The following FASTKD2 variants were observed in gnomAD, a reference collection of about 807,000 sequenced individuals.
FASTKD2 encodes FAST kinase domains 2.
A neutral mutation model predicts 63.6 loss-of-function variants in FASTKD2; 51 were observed. That is an observed-to-expected ratio of 0.80 (90% CI 0.64 to 1.01). The LOEUF is 1.01. FASTKD2 is among the 50% of genes least tolerant of loss of function. FASTKD2 has a pLI of 0.00. For synonymous variants in FASTKD2, 284 were observed against 293.4 expected (o/e 0.97, Z 0.33); for missense variants, 786 against 831.1 (o/e 0.95, Z 0.67).
chr2:206,772,051 C>T (rs937431494), intron 5 of FASTKD2, 34 bp downstream of exon 5: 6 of 1,610,092 alleles, frequency 3.7e-6, no homozygotes, highest in Non-Finnish European at 4.2e-6. Context: ...ATTTGCAATA[C>T]CTGAGCTTCT....
intron 2 of FASTKD2, among the ~76,000 whole-genome samples, chr2:206,768,250 AT>A (rs1270340446): frequency 1.3e-5 from 2 of 152,202 alleles, no homozygotes; most frequent in Non-Finnish European, 2.9e-5. Context: ...GAAGGTTAAA[AT>A]TGGATGGAGG....
intron 2 of FASTKD2, among the ~76,000 whole-genome samples, chr2:206,768,501 G>C (rs904336174): frequency 6.6e-6 from 1 of 152,114 alleles, no homozygotes; most frequent in Non-Finnish European, 1.5e-5. Flanking sequence ...AGGAGTTTGC[G>C]ACCAGCCTGG....
At position 206,791,910 on chromosome 2, in the gene FASTKD2, TACCTC is replaced by T; in HGVS notation, c.*110_*114del. 4.1e-6 allele frequency: 4 copies of T among 977,676 alleles called. No homozygotes were observed. Among genetic ancestry groups the T allele is most frequent in the Non-Finnish European group, 6.2e-6 (4 of 641,214 alleles). The allele number at this position is 977,676 out of a possible 1,614,324, so 60.6% of individuals were successfully genotyped here. A position where few individuals can be genotyped will look rare whatever the true frequency, so the allele number is the denominator to read the frequency against. The stretch of plus-strand genomic sequence containing the variant: ...AGCTATCTGCTAAGACAAAAAATGT[TACCTC>T]AGTTCACTATTAAAATTAATTTTAG... On this transcript the variant is annotated 3_prime_UTR_variant, in exon 12 of 12. Coordinates refer to ENST00000402774, the MANE Select transcript of FASTKD2 (RefSeq NM_001136193.2).
chr2:206,766,783 A>G lies in FASTKD2; in HGVS notation c.90A>G (p.Gln30=), dbSNP rs749411560. The change falls in exon 2 of 12, where the codon CAA becomes CAG. Residue 30 remains glutamine (Q), a synonymous_variant. Transcript: ENST00000402774. ...GCTCCTTTTTCTGGAACCTTAGACA[A>G]TTCAGTACATTAGTTTCAACAAGCA... ...KAGSFFWNLR[Q]FSTLVSTSRT... 5.6e-6 allele frequency: 9 copies of G among 1,613,600 alleles called. No homozygotes were observed. Among genetic ancestry groups the G allele is most frequent in the Non-Finnish European group, 7.6e-6 (9 of 1,179,816 alleles).
intron 7 of FASTKD2, among the ~76,000 whole-genome samples, chr2:206,784,724 T>C (rs1156513335): frequency 1.3e-5 from 2 of 152,238 alleles, no homozygotes; most frequent in Non-Finnish European, 2.9e-5. Context: ...GGAAGTCAGC[T>C]ATTTTTCTTG....
intron 7 of FASTKD2, among the ~76,000 whole-genome samples, chr2:206,774,817 T>A (rs2105976311): frequency 6.6e-6 from 1 of 152,196 alleles, no homozygotes; most frequent in African/African-American, 2.4e-5. Context: ...TTATTAATGA[T>A]ATAGTTAACA....
chr2:206,773,959 A>G (rs775072893), intron 6 of FASTKD2, among the ~76,000 whole-genome samples: 95 of 152,280 alleles, frequency 6.2e-4, no homozygotes, highest in Non-Finnish European at 1.1e-3. Flanking sequence ...TTATTTTTAA[A>G]TCAGATGGAA....
In FASTKD2 at chr2:206,774,164, A is replaced by T. The variant is rs113725023; in HGVS notation, c.1255-61A>T. 3.7e-3 allele frequency: 4,488 copies of T among 1,224,392 alleles called. 105 individuals carry two copies. The African/African-American group carries it at 0.055, about 15-fold the overall frequency. The allele number at this position is 1,224,392 out of a possible 1,614,324, so 75.8% of individuals were successfully genotyped here. On this transcript the variant is annotated intron_variant, in intron 6 of 11. Transcript: ENST00000402774. ...GCTGCTTAGATTTTTTGAGATCTAA[A>T]AAATTACTATTAGCATACTGTAATT...
intron 5 of FASTKD2, 27 bp from the exon 6 acceptor site, chr2:206,772,154 G>A (rs770686562): frequency 6.2e-7 from 1 of 1,606,218 alleles, no homozygotes. Flanking sequence ...GGTAATTTTT[G>A]TTTGTTTATT....
chr2:206,770,186 G>T lies in FASTKD2; in HGVS notation c.873G>T (p.Thr291=), dbSNP rs1439868134. ...GCAAGAATGTTCATGTTCTACGAAC[G>T]GGATTCAGGTGAGAACTCTCTTATG... ...EPCKNVHVLR[T]GFRILVDQQV... Residue 291 remains threonine (T), a synonymous_variant, in exon 3 of 12, where the codon ACG becomes ACT. Coordinates refer to ENST00000402774, the MANE Select transcript of FASTKD2 (RefSeq NM_001136193.2). 1 of 1,592,088 alleles carries T rather than the reference G, an allele frequency of 6.3e-7. No homozygotes were observed. Among genetic ancestry groups the T allele is most frequent in the African/African-American group, 1.3e-5 (1 of 74,460 alleles).
chr2:206,769,021 C>T (rs781063779), intron 2 of FASTKD2, among the ~76,000 whole-genome samples: 1 of 152,084 alleles, frequency 6.6e-6, no homozygotes, highest in African/African-American at 2.4e-5. Flanking sequence ...ATATTTGCAT[C>T]GGGATGACAT....
chr2:206,781,411 G>A (rs1396603676), intron 7 of FASTKD2, among the ~76,000 whole-genome samples: 1 of 148,644 alleles, frequency 6.7e-6, no homozygotes, highest in African/African-American at 2.5e-5. Context: ...TGCCTCCCAG[G>A]TTCAAGCGAT....
rs778550561 is a variant in FASTKD2, at chr2:206,767,481, AAGG to A, written c.777+14_777+16del. The A allele has an allele frequency of 6.9e-6, 11 of 1,600,174 alleles. No individual in the cohort carries two copies. In the East Asian group the frequency reaches 1.8e-4, roughly 26 times the overall value. On this transcript the variant is annotated intron_variant, in intron 2 of 11. Coordinates refer to ENST00000402774, the MANE Select transcript of FASTKD2 (RefSeq NM_001136193.2). ...CTGAGGGTGACCCAGGTAAAATAAA[AAGG>A]AGATTTAAACATGCATTTACTTGAT...
intron 7 of FASTKD2, among the ~76,000 whole-genome samples, chr2:206,776,407 C>CT (rs1312961226): frequency 2.6e-5 from 4 of 151,680 alleles, no homozygotes; most frequent in African/African-American, 9.7e-5. Context: ...CTTTTGTTGC[C>CT]TGCACTTTTG....
rs1690435220 is a variant in FASTKD2 at position 206,795,812 on chromosome 2, A to T, written c.*4010A>T. ...CCCCAGGGTGTGGTGTGGCAGGACG[A>T]GGAGCATCCATTTTGCTGGTGGGGA... On this transcript the variant is annotated 3_prime_UTR_variant, in exon 12 of 12. Coordinates refer to ENST00000402774, the MANE Select transcript of FASTKD2 (RefSeq NM_001136193.2). 6.6e-6 allele frequency among the ~76,000 whole-genome samples: 1 copy of T among 152,222 alleles called. No individual in the cohort carries two copies. The highest frequency in any genetic ancestry group is 2.1e-4 in the South Asian group (1 of 4,828).
intron 4 of FASTKD2, 57 bp downstream of exon 4, chr2:206,771,347 T>A (rs1689676630): frequency 2.0e-6 from 2 of 1,009,540 alleles, no homozygotes; most frequent in Non-Finnish European, 3.1e-6. Flanking sequence ...TCTTATAACC[T>A]GCTATCACTG....
rs548920982 is a variant in FASTKD2, at chr2:206,767,328, C to T, written c.635C>T (p.Ala212Val). The T allele has an allele frequency of 7.4e-6, 12 of 1,614,168 alleles. No homozygotes were observed. The South Asian group carries it at 1.3e-4, about 18-fold the overall frequency. ...AAACGACTGATGTTTAGCCACCCTGCATTTAATCAGCTCTGTGAACATATG... is the reference window on the plus strand; with the variant it reads ...AAACGACTGATGTTTAGCCACCCTGTATTTAATCAGCTCTGTGAACATATG... ...FEKRLMFSHP[A>V]FNQLCEHMMR... Residue 212 changes from alanine (A) to valine (V), a missense_variant, in exon 2 of 12, where the codon GCA (alanine) becomes GTA (valine). Physicochemically the swap from Ala to Val is moderately conservative, Grantham distance 64. Coordinates refer to ENST00000402774, the MANE Select transcript of FASTKD2 (RefSeq NM_001136193.2).
intron 7 of FASTKD2, among the ~76,000 whole-genome samples, chr2:206,777,483 T>C (rs1483543218): frequency 6.6e-6 from 1 of 152,186 alleles, no homozygotes; most frequent in Admixed American, 6.5e-5. Flanking sequence ...TTAATTGACT[T>C]GCATATACTG....
At position 206,770,145 on chromosome 2, in the gene FASTKD2, G is replaced by A. The variant is rs886055506; in HGVS notation, c.832G>A (p.Glu278Lys). Reference protein sequence around the residue: ...ICLSVLSTVLEAMEPCKNVHV... With the variant: ...ICLSVLSTVLKAMEPCKNVHV... ...CCTTTCAGTTTTGTCAACTGTTTTAGAGGCAATGGAACCATGCAAGAATGT... is the reference window on the plus strand; with the variant it reads ...CCTTTCAGTTTTGTCAACTGTTTTAAAGGCAATGGAACCATGCAAGAATGT... Residue 278 changes from glutamate (E) to lysine (K), a missense_variant, in exon 3 of 12, where the codon GAG becomes AAG. Glu to Lys is a moderately conservative substitution (Grantham distance 56). Transcript: ENST00000402774. 3.1e-6 allele frequency: 5 copies of A among 1,612,292 alleles called. No individual in the cohort carries two copies. The highest frequency in any genetic ancestry group is 4.2e-6 in the Non-Finnish European group (5 of 1,178,488).
Sources: allele counts gnomAD v4.1 joint callset (sites outside exome capture counted in the v4.1 genomes callset), GRCh38; gene constraint gnomAD v4.1.1; transcripts MANE v1.5; gene names NCBI Gene and HGNC (gene_info 2026-07-23, HGNC 2026-07-21).